The following GABRA1 variants were observed in gnomAD, a reference collection of about 807,000 sequenced individuals.
GABRA1 encodes the protein gamma-aminobutyric acid type A receptor subunit alpha1.
In GABRA1, 9 loss-of-function variants were observed where a neutral mutation model predicts 48.9. The ratio of observed to expected loss-of-function variants is 0.18; its 90% CI spans 0.11 to 0.32. The LOEUF (loss-of-function observed/expected upper bound fraction) is 0.32, where lower values mean the gene tolerates loss of function less well. Among genes scored for constraint, GABRA1 ranks in the 10% least tolerant of loss-of-function variants. The pLI, the probability that GABRA1 is intolerant of heterozygous loss-of-function variation, is 1.00. For missense variants in GABRA1, 285 were observed against 553.8 expected, an observed-to-expected ratio of 0.51 and a Z score of 4.87; for synonymous variants, 210 against 198.7, an observed-to-expected ratio of 1.06 and a Z score of -0.48.
chr5:161,893,632 C>G (rs1755224493), intron 8 of GABRA1, among the ~76,000 whole-genome samples: 1 of 152,154 alleles, frequency 6.6e-6, no homozygotes, highest in Non-Finnish European at 1.5e-5. Flanking sequence ...GTTTTCCATG[C>G]TGTCTCTCAT....
At chr5:161,870,426 T>G (rs1277336235) in intron 4 of GABRA1, among the ~76,000 whole-genome samples, 1 of 151,486 alleles carries the variant, frequency 6.6e-6, no homozygotes, top group East Asian at 1.9e-4. Flanking sequence ...CCAGGCCTGG[T>G]GGCGCATGCC....
intron 6 of GABRA1, among the ~76,000 whole-genome samples, chr5:161,878,730 T>C (rs914222802): frequency 2.0e-5 from 3 of 152,174 alleles, no homozygotes; most frequent in African/African-American, 7.2e-5. Context: ...GTTTCACTGC[T>C]TTTGAGAAAT....
intron 3 of GABRA1, among the ~76,000 whole-genome samples, chr5:161,863,400 C>T (rs1460505092): frequency 6.6e-6 from 1 of 151,820 alleles, no homozygotes; most frequent in East Asian, 1.9e-4. Context: ...TCAGGAATTT[C>T]CAATCATGGT....
chr5:161,866,984 C>T (rs952526666), intron 4 of GABRA1, among the ~76,000 whole-genome samples: 1 of 152,098 alleles, frequency 6.6e-6, no homozygotes, highest in Non-Finnish European at 1.5e-5. Context: ...AGGGAAGTTA[C>T]TTAATATCTC....
At chr5:161,863,421 A>G (rs1283459825) in intron 3 of GABRA1, among the ~76,000 whole-genome samples, 1 of 151,890 alleles carries the variant, frequency 6.6e-6, no homozygotes, top group Non-Finnish European at 1.5e-5. Context: ...GGAAGGTGAA[A>G]GGGGAGCAGA....
At chr5:161,893,012 T>A (rs10057413) in intron 8 of GABRA1, among the ~76,000 whole-genome samples, 5,186 of 61,556 alleles carry the variant, frequency 0.084, 170 homozygotes, top group African/African-American at 0.13. Context: ...CTCAAAAAAA[T>A]AATAATAATA....
chr5:161,859,942 G>A (rs913065462), intron 3 of GABRA1, among the ~76,000 whole-genome samples: 8 of 151,446 alleles, frequency 5.3e-5, no homozygotes, highest in South Asian at 2.1e-4. Flanking sequence ...TTCTACTCTG[G>A]AATCCTTCCT....
At chr5:161,874,331 G>C (rs1288725127) in intron 5 of GABRA1, among the ~76,000 whole-genome samples, 1 of 152,088 alleles carries the variant, frequency 6.6e-6, no homozygotes, top group Non-Finnish European at 1.5e-5. Context: ...TAATTAAAAT[G>C]TATTAGGACT....
intron 8 of GABRA1, among the ~76,000 whole-genome samples, chr5:161,893,151 C>A (rs1755196727): frequency 6.6e-6 from 1 of 151,868 alleles, no homozygotes; most frequent in Non-Finnish European, 1.5e-5. Flanking sequence ...CCCCTTCCCA[C>A]ACCAACGAAT....
intron 3 of GABRA1, among the ~76,000 whole-genome samples, chr5:161,861,934 A>G (rs1352342434): frequency 6.6e-6 from 1 of 151,932 alleles, no homozygotes; most frequent in Non-Finnish European, 1.5e-5. Context: ...ATAAGGCAAT[A>G]GACCTCCATC....
chr5:161,881,300 A>G (rs1754602996), intron 6 of GABRA1, among the ~76,000 whole-genome samples: 1 of 152,164 alleles, frequency 6.6e-6, no homozygotes, highest in South Asian at 2.1e-4. Context: ...GAGAGTACGT[A>G]CTATCATTCC....
At chr5:161,855,479 C>A (rs1047437152) in intron 3 of GABRA1, among the ~76,000 whole-genome samples, 1 of 151,430 alleles carries the variant, frequency 6.6e-6, no homozygotes, top group Non-Finnish European at 1.5e-5. Flanking sequence ...CATTTTAGGA[C>A]ATACTATACA....
At chr5:161,861,706 G>A (rs1310496046) in intron 3 of GABRA1, among the ~76,000 whole-genome samples, 1 of 151,826 alleles carries the variant, frequency 6.6e-6, no homozygotes, top group South Asian at 2.1e-4. Flanking sequence ...GGACAAAAAT[G>A]TTGCTCCAAT....
chr5:161,869,419 G>A (rs1195652789), intron 4 of GABRA1, among the ~76,000 whole-genome samples: 1 of 152,144 alleles, frequency 6.6e-6, no homozygotes, highest in African/African-American at 2.4e-5. Flanking sequence ...TTTAGCCCTA[G>A]AGACTCCATA....
intron 1 of GABRA1, 95 bp downstream of exon 1, chr5:161,848,517 G>A (rs1245153130): frequency 1.3e-5 from 1 of 79,296 alleles, no homozygotes; most frequent in Non-Finnish European, 2.3e-5. Flanking sequence ...GGGGGGGGGG[G>A]CGGGGGGAGA....
chr5:161,849,887 A>G (rs1757366681), intron 1 of GABRA1, among the ~76,000 whole-genome samples: 1 of 152,172 alleles, frequency 6.6e-6, no homozygotes, highest in Non-Finnish European at 1.5e-5. Flanking sequence ...GTTCTCCAAC[A>G]TTCCACTACC....
At chr5:161,860,854 G>A (rs1387630553) in intron 3 of GABRA1, among the ~76,000 whole-genome samples, 1 of 151,712 alleles carries the variant, frequency 6.6e-6, no homozygotes, top group African/African-American at 2.4e-5. Flanking sequence ...CACAGTATTA[G>A]TAAACAGCCA....
chr5:161,859,936 A>G (rs1344763239), intron 3 of GABRA1, among the ~76,000 whole-genome samples: 4 of 150,860 alleles, frequency 2.7e-5, no homozygotes, highest in Non-Finnish European at 5.9e-5. Flanking sequence ...TTGAAATTCT[A>G]CTCTGGAATC....
intron 6 of GABRA1, among the ~76,000 whole-genome samples, chr5:161,880,794 T>A (rs1754581314): frequency 6.6e-6 from 1 of 152,140 alleles, no homozygotes. Flanking sequence ...GGCTCACATC[T>A]TTTTTCAGAC....
Sources: gnomAD v4.1 joint callset for allele counts (sites outside exome capture counted in the v4.1 genomes callset) on GRCh38, gnomAD v4.1.1 for gene constraint, MANE v1.5 for transcripts, NCBI Gene and HGNC (gene_info 2026-07-23, HGNC 2026-07-21) for gene names.